Variants in CUX1 observed in about 807,000 individuals in gnomAD.
CUX1 encodes the protein protein CASP.
In CUX1, 31 loss-of-function variants were observed where a neutral mutation model predicts 158.8. That is an observed-to-expected ratio of 0.20 (90% CI 0.15 to 0.26). The LOEUF is 0.26. CUX1 is among the 10% of genes least tolerant of loss of function. CUX1 has a pLI of 1.00. For missense variants in CUX1, 1,589 were observed against 2,014.6 expected (o/e 0.79, Z 4.04); for synonymous variants, 879 against 862.1 (o/e 1.02, Z -0.34).
chr7:102,127,635 T>G (rs1832789673), intron 8 of CUX1, among the ~76,000 whole-genome samples: 1 of 152,226 alleles, frequency 6.6e-6, no homozygotes, highest in Non-Finnish European at 1.5e-5. Context: ...TAAATATTCT[T>G]CAGAAACACA....
In CUX1 at chr7:102,267,133, G is replaced by T. The variant is rs539952168; in HGVS notation, c.1256-6233G>T. ...TGCAGGATCTACAGGTGCAGAGGCA[G>T]GGAGGGGTGGATGAGGCAGCAGCTT... On this transcript the variant is annotated intron_variant, in intron 14 of 22. Transcript: ENST00000292538. Among the ~76,000 whole-genome samples, 4 of 152,238 alleles carry T rather than the reference G, an allele frequency of 2.6e-5. No homozygotes were observed. In the South Asian group the frequency reaches 6.2e-4, roughly 24 times the overall value.
intron 3 of CUX1, among the ~76,000 whole-genome samples, chr7:102,059,878 C>A (rs911839124): frequency 8.5e-5 from 13 of 152,112 alleles, no homozygotes; most frequent in Admixed American, 6.6e-5. Flanking sequence ...TTTGAAAATT[C>A]TTTTAATGGC....
At chr7:101,971,402 C>T (rs1811936925) in intron 2 of CUX1, among the ~76,000 whole-genome samples, 1 of 152,180 alleles carries the variant, frequency 6.6e-6, no homozygotes, top group Non-Finnish European at 1.5e-5. Context: ...AATCCCAGCA[C>T]TTTGGGAGAC....
chr7:102,013,393 T>C (rs1041277868), intron 2 of CUX1, among the ~76,000 whole-genome samples: 7 of 152,232 alleles, frequency 4.6e-5, no homozygotes, highest in African/African-American at 1.7e-4. Flanking sequence ...CCAAGAGATA[T>C]AGAATGTCTT....
chr7:102,095,266 C>T (rs1005337426), intron 4 of CUX1, among the ~76,000 whole-genome samples: 18 of 152,134 alleles, frequency 1.2e-4, no homozygotes, highest in African/African-American at 4.3e-4. Context: ...CACCCTCGGC[C>T]TCCCAAAGTG....
chr7:102,050,965 A>G (rs977841232), intron 3 of CUX1, among the ~76,000 whole-genome samples: 1 of 151,942 alleles, frequency 6.6e-6, no homozygotes, highest in African/African-American at 2.4e-5. Context: ...TGGTCTGTCT[A>G]CCACCAGTTG....
At chr7:101,871,685 G>A (rs1320066841) in intron 1 of CUX1, among the ~76,000 whole-genome samples, 1 of 152,136 alleles carries the variant, frequency 6.6e-6, no homozygotes, top group Non-Finnish European at 1.5e-5. Context: ...GGCATGTGTG[G>A]TCACCTTGCC....
At chr7:101,907,057 G>A (rs373887561) in intron 1 of CUX1, among the ~76,000 whole-genome samples, 2 of 152,232 alleles carry the variant, frequency 1.3e-5, no homozygotes, top group Non-Finnish European at 2.9e-5. Flanking sequence ...GTGAATCAAA[G>A]CCTGTCAGTG....
intron 20 of CUX1, among the ~76,000 whole-genome samples, chr7:102,217,387 G>T (rs1470244359): frequency 6.6e-6 from 1 of 152,246 alleles, no homozygotes; most frequent in Non-Finnish European, 1.5e-5. Flanking sequence ...CCCCGCCCGC[G>T]GGTGAGCTCT....
chr7:102,103,551 C>T (rs1383158072), intron 5 of CUX1, among the ~76,000 whole-genome samples: 1 of 152,142 alleles, frequency 6.6e-6, no homozygotes, highest in African/African-American at 2.4e-5. Flanking sequence ...CCACCTCAGC[C>T]TCCCAAGTCC....
chr7:102,277,465 A>C (rs1423224868), intron 17 of CUX1, among the ~76,000 whole-genome samples: 4 of 151,282 alleles, frequency 2.6e-5, no homozygotes, highest in Non-Finnish European at 3.0e-5. Context: ...GCATGGTGGC[A>C]CATGCCTGTA....
intron 8 of CUX1, among the ~76,000 whole-genome samples, chr7:102,135,053 A>G (rs1157172444): frequency 2.0e-5 from 3 of 152,068 alleles, no homozygotes; most frequent in African/African-American, 4.8e-5. Context: ...CTCGAGTTTT[A>G]GTGATTTTCA....
At chr7:101,967,586 T>C (rs1239821375) in intron 2 of CUX1, among the ~76,000 whole-genome samples, 1 of 152,210 alleles carries the variant, frequency 6.6e-6, no homozygotes, top group Non-Finnish European at 1.5e-5. Context: ...AGCCCGGGCA[T>C]GTATGCGTCA....
intron 9 of CUX1, among the ~76,000 whole-genome samples, chr7:102,167,034 G>A (rs147513752): frequency 0.026 from 4,027 of 152,094 alleles, 49 homozygotes; most frequent in South Asian, 0.054. Flanking sequence ...TTGGGAGGCC[G>A]AGGCAGGTGG....
At chr7:102,236,330 G>GT (rs1799561789) in intron 22 of CUX1, among the ~76,000 whole-genome samples, 2 of 151,806 alleles carry the variant, frequency 1.3e-5, no homozygotes, top group Non-Finnish European at 2.9e-5. Flanking sequence ...TGGGCCTGTA[G>GT]TCTAAGGGTC....
At chr7:102,111,603 A>G in intron 6 of CUX1, 95 bp from the exon 7 acceptor site, 1 of 1,135,130 alleles carries the variant, frequency 8.8e-7, no homozygotes, top group Non-Finnish European at 1.3e-6. Flanking sequence ...CCGCCAGCTG[A>G]GCGCAGGGAG....
intron 8 of CUX1, among the ~76,000 whole-genome samples, chr7:102,123,714 G>C (rs1417746522): frequency 6.6e-6 from 1 of 151,808 alleles, no homozygotes; most frequent in African/African-American, 2.4e-5. Flanking sequence ...CCAGGCTAGA[G>C]TACAGTGATG....
intron 2 of CUX1, among the ~76,000 whole-genome samples, chr7:102,026,220 C>G (rs1241174067): frequency 1.3e-5 from 2 of 152,024 alleles, no homozygotes; most frequent in Non-Finnish European, 1.5e-5. Context: ...CCTGTAGGTC[C>G]CTCTGCAATG....
chr7:102,265,593 C>T (rs1024028418), intron 14 of CUX1, among the ~76,000 whole-genome samples: 4 of 151,772 alleles, frequency 2.6e-5, no homozygotes, highest in Non-Finnish European at 5.9e-5. Context: ...CACCACCACA[C>T]ACGGCTAATA....
Sources: gnomAD v4.1 joint callset for allele counts (sites outside exome capture counted in the v4.1 genomes callset) on GRCh38, gnomAD v4.1.1 for gene constraint, MANE v1.5 for transcripts, NCBI Gene and HGNC (gene_info 2026-07-23, HGNC 2026-07-21) for gene names.